ASTN2: variants seen among roughly 807,000 people sequenced by gnomAD.
The protein encoded by ASTN2 is astrotactin-2.
ASTN2 carries 54 observed loss-of-function variants against 139.8 expected under a neutral mutation model. The observed-to-expected ratio is 0.39, with a 90% CI of 0.31 to 0.48. ASTN2 has a LOEUF of 0.48. ASTN2 is among the 20% of genes least tolerant of loss of function. The pLI is 0.95. For missense variants in ASTN2, 1,565 were observed against 1,725.1 expected (o/e 0.91, Z 1.64); for synonymous variants, 756 against 719.5 (o/e 1.05, Z -0.81).
chr9:116,781,544 A>G (rs926675953), intron 13 of ASTN2, among the ~76,000 whole-genome samples: 4 of 152,142 alleles, frequency 2.6e-5, no homozygotes, highest in African/African-American at 9.7e-5. Flanking sequence ...CCCAGCAGAG[A>G]AAAGTCTTAC....
At chr9:116,946,936 C>CAAAAAAAAAAAAAAAAAAA (rs3983292) in intron 10 of ASTN2, among the ~76,000 whole-genome samples, 11 of 127,912 alleles carry the variant, frequency 8.6e-5, no homozygotes, top group African/African-American at 3.4e-4. Flanking sequence ...ACATTTTTGT[C>CAAAAAAAAAAAAAAAAAAA]AAAAAAAAAA....
intron 1 of ASTN2, among the ~76,000 whole-genome samples, chr9:117,348,193 T>C (rs1254376305): frequency 6.6e-6 from 1 of 152,108 alleles, no homozygotes; most frequent in African/African-American, 2.4e-5. Context: ...GATTAAGCAA[T>C]TTGGTCAAAG....
At chr9:116,825,143 G>A (rs1831592591) in intron 11 of ASTN2, among the ~76,000 whole-genome samples, 1 of 152,168 alleles carries the variant, frequency 6.6e-6, no homozygotes, top group Non-Finnish European at 1.5e-5. Context: ...TCTATAAATA[G>A]AGGAGCCAGT....
intron 16 of ASTN2, among the ~76,000 whole-genome samples, chr9:116,674,495 G>A (rs1859385300): frequency 6.6e-6 from 1 of 152,180 alleles, no homozygotes; most frequent in Admixed American, 6.5e-5. Context: ...GCCCACAAAT[G>A]ATCAAAGGTT....
At chr9:116,915,152 G>A (rs1834406981) in intron 10 of ASTN2, among the ~76,000 whole-genome samples, 1 of 152,182 alleles carries the variant, frequency 6.6e-6, no homozygotes. Flanking sequence ...ATTAAGATAT[G>A]TCAATGCCAT....
intron 10 of ASTN2, among the ~76,000 whole-genome samples, chr9:116,907,631 T>C (rs953124433): frequency 6.6e-6 from 1 of 152,184 alleles, no homozygotes; most frequent in Non-Finnish European, 1.5e-5. Context: ...TGGCGGGTAA[T>C]ATCCGTTACC....
intron 3 of ASTN2, among the ~76,000 whole-genome samples, chr9:117,204,198 TC>T (rs1831833641): frequency 6.6e-6 from 1 of 152,202 alleles, no homozygotes; most frequent in South Asian, 2.1e-4. Flanking sequence ...CTGTGTAGCC[TC>T]CCTGGCTCCA....
intron 16 of ASTN2, among the ~76,000 whole-genome samples, chr9:116,671,560 A>C (rs1259644108): frequency 6.6e-6 from 1 of 152,188 alleles, no homozygotes; most frequent in Admixed American, 6.5e-5. Flanking sequence ...CCCCCTCCTC[A>C]TATTTACTAC....
At chr9:116,994,498 T>C (rs1836954717) in intron 7 of ASTN2, among the ~76,000 whole-genome samples, 1 of 152,198 alleles carries the variant, frequency 6.6e-6, no homozygotes, top group South Asian at 2.1e-4. Flanking sequence ...TGCTCTTTAC[T>C]CTGTCACAGC....
chr9:116,825,671 T>C (rs1481054055), intron 11 of ASTN2, among the ~76,000 whole-genome samples: 1 of 152,178 alleles, frequency 6.6e-6, no homozygotes, highest in Non-Finnish European at 1.5e-5. Context: ...GGCTCCCAGA[T>C]GTGGGGAAAC....
intron 10 of ASTN2, among the ~76,000 whole-genome samples, chr9:116,961,218 C>G (rs1431954573): frequency 7.0e-6 from 1 of 142,778 alleles, no homozygotes; most frequent in Non-Finnish European, 1.5e-5. Flanking sequence ...GTAAAATACA[C>G]ACAACATAAA....
chr9:117,112,352 C>T lies in ASTN2; in HGVS notation c.1169-16201G>A, dbSNP rs141576553. On this transcript the variant is annotated intron_variant, in intron 4 of 22. Coordinates refer to ENST00000313400, the MANE Select transcript of ASTN2 (RefSeq NM_001365068.1). ...ATAGCTAAGTAATTTTATAGAAGAA[C>T]AAAGTTGGTAGACTTAACACTGCTT... Among the ~76,000 whole-genome samples the T allele has an allele frequency of 1.8e-4, 27 of 151,516 alleles. No homozygotes were observed. In the East Asian group the frequency reaches 5.2e-3, roughly 29 times the overall value.
At chr9:116,606,295 C>T (rs187275064) in intron 19 of ASTN2, among the ~76,000 whole-genome samples, 41 of 152,180 alleles carry the variant, frequency 2.7e-4, no homozygotes, top group African/African-American at 8.4e-4. Flanking sequence ...ACAAAGAGGG[C>T]GCCAAACCTA....
At chr9:117,110,464 A>G (rs889375824) in intron 4 of ASTN2, among the ~76,000 whole-genome samples, 1 of 152,194 alleles carries the variant, frequency 6.6e-6, no homozygotes, top group African/African-American at 2.4e-5. Context: ...GATGATGATA[A>G]AATAATGTAG....
chr9:117,208,656 C>A (rs1401293654), intron 3 of ASTN2, among the ~76,000 whole-genome samples: 5 of 152,052 alleles, frequency 3.3e-5, no homozygotes, highest in Non-Finnish European at 7.4e-5. Context: ...ATAGGTTAAA[C>A]CCAAACAGAT....
intron 16 of ASTN2, among the ~76,000 whole-genome samples, chr9:116,668,277 C>T (rs1455713857): frequency 1.3e-5 from 2 of 151,952 alleles, no homozygotes; most frequent in African/African-American, 4.8e-5. Flanking sequence ...CCGCAACCTC[C>T]GCCCCCCAGG....
chr9:116,532,220 C>A (rs1851386162), intron 19 of ASTN2, among the ~76,000 whole-genome samples: 1 of 151,938 alleles, frequency 6.6e-6, no homozygotes, highest in Non-Finnish European at 1.5e-5. Flanking sequence ...TTGTTTTTTT[C>A]TTGTAAATTT....
At chr9:117,025,731 A>G (rs1224661113) in intron 6 of ASTN2, among the ~76,000 whole-genome samples, 1 of 152,116 alleles carries the variant, frequency 6.6e-6, no homozygotes, top group East Asian at 1.9e-4. Flanking sequence ...TCTCCTACTA[A>G]TAACTTTTAT....
At chr9:116,496,078 G>A (rs181378588) in intron 19 of ASTN2, among the ~76,000 whole-genome samples, 1 of 152,224 alleles carries the variant, frequency 6.6e-6, no homozygotes, top group East Asian at 1.9e-4. Flanking sequence ...GCTCAGAAAG[G>A]CCTTCTCTGG....
Sources: gnomAD v4.1 joint callset for allele counts (sites outside exome capture counted in the v4.1 genomes callset) on GRCh38, gnomAD v4.1.1 for gene constraint, MANE v1.5 for transcripts, NCBI Gene and HGNC (gene_info 2026-07-23, HGNC 2026-07-21) for gene names.